Variants in HAUS6 observed in about 807,000 individuals in gnomAD.
HAUS6 encodes the protein HAUS augmin like complex subunit 6.
A neutral mutation model predicts 106.8 loss-of-function variants in HAUS6; 80 were observed. The observed-to-expected ratio is 0.75, with a 90% CI of 0.63 to 0.90. The LOEUF (loss-of-function observed/expected upper bound fraction) is 0.90, where lower values mean the gene tolerates loss of function less well. Ranked by LOEUF, HAUS6 falls within the 40% of genes least tolerant of loss-of-function variation. The pLI is 0.00. For missense variants in HAUS6, 1,155 were observed against 1,118.1 expected, an observed-to-expected ratio of 1.03 and a Z score of -0.47; for synonymous variants, 356 against 379.1, an observed-to-expected ratio of 0.94 and a Z score of 0.71.
chr9:19,096,796 AG>A (rs769372459), intron 1 of HAUS6, 27 bp from the exon 2 acceptor site: 26 of 1,061,206 alleles, frequency 2.5e-5, no homozygotes, highest in Non-Finnish European at 3.3e-5. Flanking sequence ...AAATAGAAAT[AG>A]AAAAAGAAAA....
chr9:19,100,156 T>C (rs972164031), intron 1 of HAUS6, among the ~76,000 whole-genome samples: 4 of 152,050 alleles, frequency 2.6e-5, no homozygotes, highest in African/African-American at 9.7e-5. Flanking sequence ...ATCGCACCAC[T>C]GCACTCCCGC....
rs754215243 is a variant in HAUS6 at position 19,102,700 on chromosome 9, G to A, written c.-49C>T. Reference sequence around the variant, plus strand: ...CAAAGAAAGAAAGCGCAAGCCCAGGGGACTCGGAGGGCCCTCAAGATCCCT... The same window carrying A: ...CAAAGAAAGAAAGCGCAAGCCCAGGAGACTCGGAGGGCCCTCAAGATCCCT... On this transcript the variant is annotated 5_prime_UTR_variant, in exon 1 of 17. Transcript: ENST00000380502. The A allele has an allele frequency of 1.3e-6, 2 of 1,579,664 alleles. No homozygotes were observed. The highest frequency in any genetic ancestry group is 1.7e-6 in the Non-Finnish European group (2 of 1,161,344).
chr9:19,062,981 A>C (rs773004187), intron 14 of HAUS6, 27 bp downstream of exon 14: 1 of 1,515,714 alleles, frequency 6.6e-7, no homozygotes, highest in South Asian at 1.1e-5. Context: ...CTGATATTTA[A>C]GTATACTCAT....
chr9:19,097,544 A>C (rs896699002), intron 1 of HAUS6, among the ~76,000 whole-genome samples: 2 of 152,164 alleles, frequency 1.3e-5, no homozygotes, highest in Non-Finnish European at 2.9e-5. Context: ...TCAAAACCAC[A>C]ATGAGATACC....
intron 11 of HAUS6, among the ~76,000 whole-genome samples, chr9:19,071,026 T>C (rs1836871949): frequency 6.6e-6 from 1 of 152,160 alleles, no homozygotes; most frequent in African/African-American, 2.4e-5. Flanking sequence ...TTACAGAAGA[T>C]CTGATATTCC....
rs931840418 is a variant in HAUS6 at position 19,092,983 on chromosome 9, G to C, written c.436+188C>G. 4.7e-5 allele frequency among the ~76,000 whole-genome samples: 7 copies of C among 149,298 alleles called. No individual in the cohort carries two copies. The East Asian group carries it at 1.2e-3, about 25-fold the overall frequency. ...AGAACATAATAAAATAATATAAATA[G>C]TAACTGTGTTTATTATGAGAAGATT... is the stretch of plus-strand genomic sequence containing the variant. On this transcript the variant is annotated intron_variant, in intron 4 of 16. Coordinates refer to ENST00000380502, the MANE Select transcript of HAUS6 (RefSeq NM_017645.5).
chr9:19,058,998 G>A lies in HAUS6; in HGVS notation c.1769C>T (p.Thr590Ile), dbSNP rs1230900798. 1.3e-6 allele frequency: 2 copies of A among 1,556,792 alleles called. No individual in the cohort carries two copies. Among genetic ancestry groups the A allele is most frequent in the Non-Finnish European group, 1.8e-6 (2 of 1,132,896 alleles). ...QIPRTPENLI[T>I]EIRSSWRKAI... is the part of the protein sequence containing the mutation. ...TTTTCTCCATGAGCTCCTAATTTCA[G>A]TTACTAATTAAAGGGGAGAAAAACA... The change falls in exon 16 of 17, where the codon ACT becomes ATT. Residue 590 changes from threonine (T) to isoleucine (I), a missense_variant. By Grantham distance (89) the Thr-to-Ile change is moderately conservative. This residue lies in a region of HAUS6 where 761 missense variants were observed against 690.0 expected (regional missense o/e 1.10). Transcript: ENST00000380502.
chr9:19,094,403 AC>A lies in HAUS6; in HGVS notation c.225-9del, dbSNP rs531373083. The A allele has an allele frequency of 3.6e-3, 5,622 of 1,573,046 alleles. 14 individuals carry two copies. The highest frequency in any genetic ancestry group is 4.5e-3 in the Non-Finnish European group (5,111 of 1,145,020). ...AATGGGGGCCAACAAAATCTGGAAA[AC>A]AAAAATAAAAGCGTAAGGACTATGC... On this transcript the variant is annotated splice_polypyrimidine_tract_variant and intron_variant, in intron 2 of 16. Coordinates refer to ENST00000380502, the MANE Select transcript of HAUS6 (RefSeq NM_017645.5).
rs369843175 is a variant in HAUS6 at position 19,102,779 on chromosome 9, T to A, written c.-128A>T. 1,058 of 844,612 alleles carry A rather than the reference T, an allele frequency of 1.3e-3. 23 individuals carry two copies. The South Asian group carries it at 0.019, about 15-fold the overall frequency. The allele number at this position is 844,612 out of a possible 1,614,324, so 52.3% of individuals were successfully genotyped here. A position where few individuals can be genotyped will look rare whatever the true frequency, so the allele number is the denominator to read the frequency against. On this transcript the variant is annotated 5_prime_UTR_variant, in exon 1 of 17. It adds an upstream start codon to the 5' untranslated region. Transcript: ENST00000380502. ...TCCTTCCATTGCCAACGCCTGCTCC[T>A]TTCACGCCCAGAGCGATTTCGCCTC...
At position 19,057,943 on chromosome 9, in the gene HAUS6, G is replaced by A; in HGVS notation, c.2806+18C>T. ...AAACTTCAACAGGTGAATATGCATA[G>A]GTCTATTTAAACCTTACCCTTTAAA... On this transcript the variant is annotated intron_variant, in intron 16 of 16. Transcript: ENST00000380502. 1.4e-6 allele frequency: 2 copies of A among 1,465,042 alleles called. No homozygotes were observed. The highest frequency in any genetic ancestry group is 1.9e-6 in the Non-Finnish European group (2 of 1,061,932). 90.8% of individuals were successfully genotyped at this position (1,465,042 alleles called of 1,614,324 possible).
chr9:19,090,404 A>G (rs773425107), intron 4 of HAUS6, among the ~76,000 whole-genome samples: 4 of 152,104 alleles, frequency 2.6e-5, no homozygotes, highest in Non-Finnish European at 4.4e-5. Flanking sequence ...TCCCTCAGTC[A>G]CCCAGGCTGA....
chr9:19,074,179 G>A (rs1203736083), intron 11 of HAUS6, among the ~76,000 whole-genome samples: 5 of 151,908 alleles, frequency 3.3e-5, no homozygotes, highest in Non-Finnish European at 5.9e-5. Flanking sequence ...CCCGGGAGGC[G>A]AAGGTTGCAA....
intron 9 of HAUS6, among the ~76,000 whole-genome samples, chr9:19,078,894 C>T (rs1837072705): frequency 6.8e-6 from 1 of 147,008 alleles, no homozygotes; most frequent in Admixed American, 6.8e-5. Flanking sequence ...GTGGCTCACA[C>T]CTATAATCCC....
chr9:19,066,777 T>C (rs1335642361), intron 12 of HAUS6, among the ~76,000 whole-genome samples: 1 of 141,590 alleles, frequency 7.1e-6, no homozygotes, highest in Non-Finnish European at 1.5e-5. Flanking sequence ...GAGGATCACC[T>C]GAGCTCAGAA....
At chr9:19,099,065 G>T (rs72696492) in intron 1 of HAUS6, among the ~76,000 whole-genome samples, 29,607 of 149,098 alleles carry the variant, frequency 0.2, 3,969 homozygotes, top group Non-Finnish European at 0.3. Flanking sequence ...TACCACTACA[G>T]GGTCATAGAA....
At chr9:19,073,653 AAAAG>A (rs1243487009) in intron 11 of HAUS6, among the ~76,000 whole-genome samples, 40 of 151,862 alleles carry the variant, frequency 2.6e-4, no homozygotes, top group African/African-American at 9.2e-4. Context: ...AAAAAAAAAA[AAAAG>A]AGAGAAATAA....
intron 9 of HAUS6, among the ~76,000 whole-genome samples, chr9:19,078,581 A>G (rs959078821): frequency 1.3e-5 from 2 of 152,084 alleles, no homozygotes; most frequent in Non-Finnish European, 2.9e-5. Flanking sequence ...TGAGGTCAGG[A>G]GTTCAAGACC....
chr9:19,073,199 A>C (rs907305398), intron 11 of HAUS6, among the ~76,000 whole-genome samples: 1 of 152,192 alleles, frequency 6.6e-6, no homozygotes, highest in African/African-American at 2.4e-5. Context: ...AAAAACCTAA[A>C]GTGAATATTG....
chr9:19,057,912 G>C lies in HAUS6; in HGVS notation c.2806+49C>G, dbSNP rs369433083. 6.4e-6 allele frequency: 7 copies of C among 1,094,292 alleles called. No homozygotes were observed. In the African/African-American group the frequency reaches 1.1e-4, roughly 17 times the overall value. The allele number at this position is 1,094,292 out of a possible 1,614,324, so 67.8% of individuals were successfully genotyped here. The stretch of plus-strand genomic sequence containing the variant: ...TTGTGTACTGGTTTTATCAAAAGTT[G>C]AGAGAAAACTTCAACAGGTGAATAT... On this transcript the variant is annotated intron_variant, in intron 16 of 16. Coordinates refer to ENST00000380502, the MANE Select transcript of HAUS6 (RefSeq NM_017645.5).
Sources: allele counts gnomAD v4.1 joint callset (sites outside exome capture counted in the v4.1 genomes callset), GRCh38; gene constraint gnomAD v4.1.1; regional missense constraint gnomAD v4.1.1; transcripts MANE v1.5; gene names NCBI Gene and HGNC (gene_info 2026-07-23, HGNC 2026-07-21).